The following NIPAL3 variants were observed in gnomAD, a reference collection of about 807,000 sequenced individuals.
NIPAL3 encodes NIPA like domain containing 3.
A neutral mutation model predicts 47.2 loss-of-function variants in NIPAL3; 41 were observed. That is an observed-to-expected ratio of 0.87 (90% CI 0.68 to 1.13). NIPAL3 has a LOEUF of 1.13. NIPAL3 is among the 50% of genes most tolerant of loss of function. The probability of loss-of-function intolerance (pLI) is 0.00; values close to 1 mark genes in which losing one functional copy is unlikely to be tolerated. For synonymous variants in NIPAL3, 194 were observed against 209.6 expected (o/e 0.93, Z 0.64); for missense variants, 449 against 530.1 (o/e 0.85, Z 1.50).
intron 5 of NIPAL3, among the ~76,000 whole-genome samples, chr1:24,446,258 A>AT (rs1300132351): frequency 6.6e-6 from 1 of 152,130 alleles, no homozygotes; most frequent in African/African-American, 2.4e-5. Flanking sequence ...TGAGGAGGTG[A>AT]TTTTTCCCCC....
chr1:24,448,120 G>A (rs148636481), intron 5 of NIPAL3, among the ~76,000 whole-genome samples: 1 of 152,270 alleles, frequency 6.6e-6, no homozygotes, highest in East Asian at 1.9e-4. Flanking sequence ...CTACATTTAC[G>A]AGGCCTAGTA....
intron 3 of NIPAL3, among the ~76,000 whole-genome samples, chr1:24,440,637 T>A (rs1645336060): frequency 6.6e-6 from 1 of 152,190 alleles, no homozygotes; most frequent in African/African-American, 2.4e-5. Context: ...ATCCCCCCAC[T>A]GACCTCCAAA....
chr1:24,415,932 G>A (rs531056705), intron 1 of NIPAL3, 28 bp downstream of exon 1: 38 of 984,748 alleles, frequency 3.9e-5, no homozygotes, highest in Middle Eastern at 5.2e-4. Flanking sequence ...CCGGGAGGAA[G>A]GGGAATTGAA....
In NIPAL3 at chr1:24,419,656, G is replaced by C. The variant is rs745372455; in HGVS notation, c.93+16G>C. 6.2e-7 allele frequency: 1 copy of C among 1,610,832 alleles called. No homozygotes were observed. Among genetic ancestry groups the C allele is most frequent in the Admixed American group, 1.7e-5 (1 of 59,882 alleles). On this transcript the variant is annotated intron_variant, in intron 2 of 11. Coordinates refer to ENST00000374399, the MANE Select transcript of NIPAL3 (RefSeq NM_020448.5). ...CTCCTACAAGGCAAGGGCTTTTTTG[G>C]GGTTTGGGAATTTGTATTTTCCTAG...
chr1:24,418,905 C>T (rs979618091), intron 1 of NIPAL3, among the ~76,000 whole-genome samples: 3 of 148,612 alleles, frequency 2.0e-5, no homozygotes, highest in East Asian at 2.0e-4. Context: ...GTTCCCTTTT[C>T]GTGGTAGTGG....
chr1:24,466,990 T>TCTCTGGTGGCAGATCCCACCTC (rs1646725482), intron 11 of NIPAL3, among the ~76,000 whole-genome samples: 1 of 152,014 alleles, frequency 6.6e-6, no homozygotes, highest in South Asian at 2.1e-4. Flanking sequence ...GATCCCACCT[T>TCTCTGGTGGCAGATCCCACCTC]GGTCTCTGGT....
At chr1:24,431,437 G>A (rs1326389796) in intron 2 of NIPAL3, among the ~76,000 whole-genome samples, 1 of 152,220 alleles carries the variant, frequency 6.6e-6, no homozygotes, top group Non-Finnish European at 1.5e-5. Flanking sequence ...CCCTAAGACT[G>A]TCAGTATCAC....
rs58488495 is a variant in NIPAL3 at position 24,469,577 on chromosome 1, G to A, written c.*392G>A. 3,785 of 177,060 alleles carry A rather than the reference G, an allele frequency of 0.021. 123 individuals carry two copies. Among genetic ancestry groups the A allele is most frequent in the African/African-American group, 0.077 (3,249 of 42,464 alleles). The allele number at this position is 177,060 out of a possible 1,614,324, so 11.0% of individuals were successfully genotyped here. On this transcript the variant is annotated 3_prime_UTR_variant, in exon 12 of 12. Coordinates refer to ENST00000374399, the MANE Select transcript of NIPAL3 (RefSeq NM_020448.5). The stretch of plus-strand genomic sequence containing the variant: ...TAATTCTCAAATCCAGCGAAAGGCT[G>A]GACATCTCTAAATCTCGTCTTCCTC...
In NIPAL3 at chr1:24,471,330, T is replaced by C. The variant is rs1646894390; in HGVS notation, c.*2145T>C. 6.6e-6 allele frequency: 1 copy of C among 152,544 alleles called. No individual in the cohort carries two copies. Among genetic ancestry groups the C allele is most frequent in the Admixed American group, 6.5e-5 (1 of 15,268 alleles). The allele number at this position is 152,544 out of a possible 1,614,324, so 9.4% of individuals were successfully genotyped here. ...GGCTCATGCCTGCAATCCCAGCACT[T>C]TGGGAGGCCAAGGCTGGAGGATCAC... On this transcript the variant is annotated 3_prime_UTR_variant, in exon 12 of 12. Coordinates refer to ENST00000374399, the MANE Select transcript of NIPAL3 (RefSeq NM_020448.5).
rs182697787 is a variant in NIPAL3 at position 24,443,070 on chromosome 1, T to A, written c.334+844T>A. 1.3e-3 allele frequency among the ~76,000 whole-genome samples: 199 copies of A among 152,362 alleles called. 1 individual carries two copies. Among genetic ancestry groups the A allele is most frequent in the Middle Eastern group, 3.4e-3 (1 of 294 alleles). ...CTGCCTGCCTTTCCTCCCAAAGTGC[T>A]GGGACTACAATTGTAAGCCACCACA... On this transcript the variant is annotated intron_variant, in intron 4 of 11. Transcript: ENST00000374399.
In NIPAL3 at chr1:24,470,508, A is replaced by T. The variant is rs1646868694; in HGVS notation, c.*1323A>T. 6.6e-6 allele frequency: 1 copy of T among 152,168 alleles called. No homozygotes were observed. The highest frequency in any genetic ancestry group is 2.4e-5 in the African/African-American group (1 of 41,442). 9.4% of individuals were successfully genotyped at this position (152,168 alleles called of 1,614,324 possible). ...CTGGAAAGCCTAAGAATTTACAAAG[A>T]TGTTCTGCTAAAACCCCCAGGGCCC... On this transcript the variant is annotated 3_prime_UTR_variant, in exon 12 of 12. Coordinates refer to ENST00000374399, the MANE Select transcript of NIPAL3 (RefSeq NM_020448.5).
At position 24,464,137 on chromosome 1, in the gene NIPAL3, G is replaced by A. The variant is rs376937684; in HGVS notation, c.1021+17G>A. The A allele has an allele frequency of 7.6e-4, 1,224 of 1,601,460 alleles. 1 individual carries two copies. The highest frequency in any genetic ancestry group is 9.9e-4 in the Non-Finnish European group (1,164 of 1,169,942). On this transcript the variant is annotated intron_variant, in intron 11 of 11. Transcript: ENST00000374399. ...CCATGCCAGGTAAGGTTAAAGCCCC[G>A]TGGGTCTAGCTGAACATCCATATAG...
chr1:24,458,868 G>A lies in NIPAL3; in HGVS notation c.774-20G>A. The A allele has an allele frequency of 1.2e-6, 2 of 1,604,890 alleles. No homozygotes were observed. Among genetic ancestry groups the A allele is most frequent in the Non-Finnish European group, 1.7e-6 (2 of 1,171,630 alleles). Reference sequence around the variant, plus strand: ...CCAACGTCTCCACAGCCCACTGACTGGAGTGCTTTTGTGTTGAAGGTTTTT... The same window carrying A: ...CCAACGTCTCCACAGCCCACTGACTAGAGTGCTTTTGTGTTGAAGGTTTTT... On this transcript the variant is annotated intron_variant, in intron 8 of 11. Coordinates refer to ENST00000374399, the MANE Select transcript of NIPAL3 (RefSeq NM_020448.5).
chr1:24,428,365 CT>C (rs1304140815), intron 2 of NIPAL3, among the ~76,000 whole-genome samples: 3 of 151,266 alleles, frequency 2.0e-5, no homozygotes, highest in Admixed American at 6.6e-5. Flanking sequence ...TTTTCTTCCA[CT>C]TTTTTTTGTA....
At chr1:24,419,209 T>A in intron 1 of NIPAL3, 82 bp from the exon 2 acceptor site, 1 of 667,484 alleles carries the variant, frequency 1.5e-6, no homozygotes, top group Non-Finnish European at 1.9e-6. Context: ...TTTATCTGAA[T>A]GGTATTCTCT....
In NIPAL3 at chr1:24,472,579, A is replaced by G. The variant is rs902804219; in HGVS notation, c.*3394A>G. On this transcript the variant is annotated 3_prime_UTR_variant, in exon 12 of 12. Coordinates refer to ENST00000374399, the MANE Select transcript of NIPAL3 (RefSeq NM_020448.5). ...AACTTGGGTTTAAACTTCAGTTGCC[A>G]TCACAGCAGGGTTCAGGTTATGCAG... The G allele has an allele frequency of 6.6e-6, 1 of 152,216 alleles. No individual in the cohort carries two copies. Among genetic ancestry groups the G allele is most frequent in the Non-Finnish European group, 1.5e-5 (1 of 68,050 alleles). The allele number at this position is 152,216 out of a possible 1,614,324, so 9.4% of individuals were successfully genotyped here. A position where few individuals can be genotyped will look rare whatever the true frequency, so the allele number is the denominator to read the frequency against.
Position 24,469,403 on chromosome 1 carries a change from CG to C in NIPAL3, c.*221del. ...GGATGGAAGCATTATTCCAGGTGGA[CG>C]GGATAGAATCCAGCCTCTGCCTGGA... On this transcript the variant is annotated 3_prime_UTR_variant, in exon 12 of 12. Transcript: ENST00000374399. 1 of 530,950 alleles carries C rather than the reference CG, an allele frequency of 1.9e-6. No homozygotes were observed. Among genetic ancestry groups the C allele is most frequent in the Non-Finnish European group, 3.3e-6 (1 of 298,734 alleles). The allele number at this position is 530,950 out of a possible 1,614,324, so 32.9% of individuals were successfully genotyped here.
In NIPAL3 at chr1:24,469,126, G is replaced by A. The variant is rs371149110; in HGVS notation, c.1162G>A (p.Gly388Ser). The A allele has an allele frequency of 1.5e-5, 24 of 1,613,934 alleles. No individual in the cohort carries two copies. Among genetic ancestry groups the A allele is most frequent in the East Asian group, 2.2e-5 (1 of 44,880 alleles). The change falls in exon 12 of 12, where the codon GGC becomes AGC. Residue 388 changes from glycine (G) to serine (S), a missense_variant. Physicochemically the swap from Gly to Ser is moderately conservative, Grantham distance 56. Coordinates refer to ENST00000374399, the MANE Select transcript of NIPAL3 (RefSeq NM_020448.5). ...CCTGCCAGTCATGCAAGAAGAGCAC[G>A]GCTCCAGAAGTGCCTCTGGGGTCCC... ...ATLPVMQEEH[G>S]SRSASGVPYR...
At chr1:24,427,482 C>T (rs1351103754) in intron 2 of NIPAL3, among the ~76,000 whole-genome samples, 3 of 152,214 alleles carry the variant, frequency 2.0e-5, no homozygotes, top group Non-Finnish European at 2.9e-5. Flanking sequence ...TACATGTGGA[C>T]ATTCATATGT....
Sources: gnomAD v4.1 joint callset for allele counts (sites outside exome capture counted in the v4.1 genomes callset) on GRCh38, gnomAD v4.1.1 for gene constraint, MANE v1.5 for transcripts, NCBI Gene and HGNC (gene_info 2026-07-23, HGNC 2026-07-21) for gene names.